The following PCGF3 variants were observed in gnomAD, a reference collection of about 807,000 sequenced individuals.
The protein encoded by PCGF3 is polycomb group RING finger protein 3.
Under a neutral mutation model 33.1 loss-of-function variants are expected in PCGF3, and 7 were observed. The observed-to-expected ratio is 0.21, with a 90% CI of 0.12 to 0.40. The LOEUF (loss-of-function observed/expected upper bound fraction) is 0.40, where lower values mean the gene tolerates loss of function less well. Ranked by LOEUF, PCGF3 falls within the 10% of genes least tolerant of loss-of-function variation. PCGF3 has a pLI of 1.00. For missense variants in PCGF3, 211 were observed against 313.3 expected (o/e 0.67, Z 2.46); for synonymous variants, 153 against 121.3 (o/e 1.26, Z -1.72).
At position 721,316 on chromosome 4, in the gene PCGF3, C is replaced by T. The variant is rs1743066418; in HGVS notation, c.-189-9314C>T. Among the ~76,000 whole-genome samples the T allele has an allele frequency of 6.6e-6, 1 of 152,160 alleles. No individual in the cohort carries two copies. Among genetic ancestry groups the T allele is most frequent in the African/African-American group, 2.4e-5 (1 of 41,434 alleles). On this transcript the variant is annotated intron_variant, in intron 1 of 10. Transcript: ENST00000362003. The surrounding 1 kb of genome is among the most constrained non-coding windows in gnomAD (Gnocchi z 4.1). Reference sequence around the variant, plus strand: ...TCCATAACTCAGCAAAACTGACTCACAAACAACAGAAACTTCAAGGCTGTC... The same window carrying T: ...TCCATAACTCAGCAAAACTGACTCATAAACAACAGAAACTTCAAGGCTGTC...
chr4:758,541 C>T (rs191430616), intron 8 of PCGF3, among the ~76,000 whole-genome samples: 2 of 132,078 alleles, frequency 1.5e-5, no homozygotes, highest in African/African-American at 5.9e-5. Flanking sequence ...GCCCCTCTCC[C>T]GAGTTCTCCC....
chr4:768,468 C>T (rs559510760), exon 11 of PCGF3: 5 of 90,520 alleles, frequency 5.5e-5, no homozygotes, highest in East Asian at 5.3e-4. Flanking sequence ...TGGTTGGATT[C>T]TATTGGTTTT....
intron 10 of PCGF3, among the ~76,000 whole-genome samples, chr4:765,414 C>T (rs1302501895): frequency 1.4e-5 from 2 of 141,208 alleles, no homozygotes; most frequent in African/African-American, 5.5e-5. Context: ...ACCTAGGCGA[C>T]AGAGGGAGAC....
intron 8 of PCGF3, among the ~76,000 whole-genome samples, chr4:758,234 A>AC (rs1398623574): frequency 1.4e-5 from 2 of 141,486 alleles, no homozygotes; most frequent in Non-Finnish European, 3.1e-5. Flanking sequence ...CTGCACAAGC[A>AC]CCCCCACCGC....
chr4:752,051 A>G (rs1292538705), intron 8 of PCGF3, among the ~76,000 whole-genome samples: 1 of 152,256 alleles, frequency 6.6e-6, no homozygotes, highest in African/African-American at 2.4e-5. Context: ...TTCTAAACCA[A>G]AAATACTTGA....
chr4:763,055 C>T (rs529941728), intron 9 of PCGF3, among the ~76,000 whole-genome samples: 34 of 150,764 alleles, frequency 2.3e-4, no homozygotes, highest in East Asian at 5.8e-4. Context: ...ACAGGTTGGC[C>T]GGGGATACGG....
At chr4:712,340 G>A (rs917619312) in intron 1 of PCGF3, among the ~76,000 whole-genome samples, 4 of 152,158 alleles carry the variant, frequency 2.6e-5, no homozygotes, top group Non-Finnish European at 4.4e-5. Context: ...CCCATTGACA[G>A]GAACTCACAC....
At chr4:766,084 T>C (rs73058482) in exon 11 of PCGF3, 130,887 of 1,612,974 alleles carry the variant, frequency 0.081, 6,011 homozygotes, top group South Asian at 0.15. Context: ...CTGTGAATGG[T>C]GCCACACAGC....
At chr4:766,847 C>G (rs571206099) in exon 11 of PCGF3, 4 of 152,352 alleles carry the variant, frequency 2.6e-5, no homozygotes, top group East Asian at 1.9e-4. Flanking sequence ...CAGCTCAGTG[C>G]TGGTTTACGG....
intron 5 of PCGF3, among the ~76,000 whole-genome samples, chr4:736,877 G>A (rs1371958423): frequency 8.8e-6 from 1 of 113,892 alleles, no homozygotes; most frequent in Non-Finnish European, 1.8e-5. Context: ...CACGGGACGC[G>A]GGGAACCTGG....
intron 1 of PCGF3, among the ~76,000 whole-genome samples, chr4:730,000 G>A (rs1033204567): frequency 6.6e-6 from 1 of 152,042 alleles, no homozygotes; most frequent in Non-Finnish European, 1.5e-5. Flanking sequence ...GGGTCCCTAC[G>A]TGGTCCCCTG....
chr4:748,612 A>C (rs147622493), intron 8 of PCGF3, among the ~76,000 whole-genome samples: 59 of 152,282 alleles, frequency 3.9e-4, no homozygotes, highest in African/African-American at 1.4e-3. Context: ...GTCAGTAGAG[A>C]AGAGCGGCCA....
chr4:761,320 G>C, exon 9 of PCGF3: 2 of 1,607,752 alleles, frequency 1.2e-6, no homozygotes, highest in Non-Finnish European at 1.7e-6. Context: ...AACTGCGCGG[G>C]CTGAAGCGGA....
At chr4:734,375 A>G (rs1398279620) in intron 4 of PCGF3, 8 of 1,403,510 alleles carry the variant, frequency 5.7e-6, no homozygotes, top group Admixed American at 3.3e-5. Flanking sequence ...GCTGGGGAGC[A>G]TTTTGTTTAA....
intron 8 of PCGF3, among the ~76,000 whole-genome samples, chr4:755,232 A>G (rs890739524): frequency 6.6e-6 from 1 of 152,214 alleles, no homozygotes; most frequent in African/African-American, 2.4e-5. Flanking sequence ...TTAGGTGGTG[A>G]CCAGCCCATC....
intron 8 of PCGF3, among the ~76,000 whole-genome samples, chr4:760,494 A>G (rs1013747717): frequency 2.0e-5 from 3 of 152,154 alleles, no homozygotes; most frequent in African/African-American, 7.2e-5. Flanking sequence ...ATTACCTTCA[A>G]TACTTGCCCG....
intron 5 of PCGF3, 65 bp downstream of exon 5, chr4:735,092 G>A: frequency 6.6e-7 from 1 of 1,522,548 alleles, no homozygotes; most frequent in Non-Finnish European, 8.9e-7. Flanking sequence ...TCTGTGTGTG[G>A]GCCTTCCCAG....
At chr4:748,967 C>G (rs573402994) in intron 8 of PCGF3, among the ~76,000 whole-genome samples, 4 of 152,262 alleles carry the variant, frequency 2.6e-5, no homozygotes, top group Middle Eastern at 3.4e-3. Flanking sequence ...CCCCTTTACT[C>G]TGGTGTGGTT....
chr4:742,998 A>T (rs1350022498), intron 6 of PCGF3, among the ~76,000 whole-genome samples: 1 of 152,186 alleles, frequency 6.6e-6, no homozygotes, highest in African/African-American at 2.4e-5. Flanking sequence ...GCCACTGCGC[A>T]GGAGCGTGGG....
Sources: allele counts gnomAD v4.1 joint callset (sites outside exome capture counted in the v4.1 genomes callset), GRCh38; gene constraint gnomAD v4.1.1; non-coding constraint Gnocchi (gnomAD v3.1); transcripts MANE v1.5; gene names NCBI Gene and HGNC (gene_info 2026-07-23, HGNC 2026-07-21).